Variants in GBE1 observed in about 807,000 individuals in gnomAD.
GBE1 encodes 1,4-alpha-glucan-branching enzyme.
In GBE1, 70 loss-of-function variants were observed where a neutral mutation model predicts 88.8. The ratio of observed to expected loss-of-function variants is 0.79; its 90% CI spans 0.65 to 0.96. GBE1 has a LOEUF of 0.96. GBE1 is among the 40% of genes least tolerant of loss of function. The probability of loss-of-function intolerance (pLI) is 0.00; values close to 1 mark genes in which losing one functional copy is unlikely to be tolerated. For synonymous variants in GBE1, 284 were observed against 300.1 expected (o/e 0.95, Z 0.56); for missense variants, 872 against 871.0 (o/e 1.00, Z -0.01).
rs747483974 is a variant in GBE1 at position 81,591,169 on chromosome 3, GA to G, written c.1109-6del. 8.8e-6 allele frequency: 14 copies of G among 1,588,240 alleles called. No homozygotes were observed. Among genetic ancestry groups the G allele is most frequent in the Admixed American group, 3.5e-5 (2 of 56,738 alleles). On this transcript the variant is annotated splice_region_variant and splice_polypyrimidine_tract_variant and intron_variant, in intron 8 of 15. Coordinates refer to ENST00000429644, the MANE Select transcript of GBE1 (RefSeq NM_000158.4). ...AATCACCTGAGAAACCTTGACCTTAGAAAAAGAAAATCAATACGGATATATT... is the reference window on the plus strand; with the variant it reads ...AATCACCTGAGAAACCTTGACCTTAGAAAAGAAAATCAATACGGATATATT...
At chr3:81,558,421 A>G (rs1469682825) in intron 12 of GBE1, among the ~76,000 whole-genome samples, 1 of 152,042 alleles carries the variant, frequency 6.6e-6, no homozygotes, top group African/African-American at 2.4e-5. Context: ...CTATCTATCT[A>G]TCTCATCAAG....
intron 1 of GBE1, among the ~76,000 whole-genome samples, chr3:81,720,225 A>T (rs1706003130): frequency 6.6e-6 from 1 of 152,000 alleles, no homozygotes; most frequent in African/African-American, 2.4e-5. Flanking sequence ...TATTGGCAAG[A>T]TCTCTTTTAA....
intron 1 of GBE1, among the ~76,000 whole-genome samples, chr3:81,734,213 AT>A (rs1260604506): frequency 1.3e-5 from 2 of 152,166 alleles, no homozygotes; most frequent in Admixed American, 6.6e-5. Context: ...AATACACTAA[AT>A]TTCCTAAATG....
intron 1 of GBE1, among the ~76,000 whole-genome samples, chr3:81,759,982 C>T (rs1382511186): frequency 2.6e-5 from 4 of 152,148 alleles, no homozygotes; most frequent in Non-Finnish European, 2.9e-5. Flanking sequence ...AATCTAACCA[C>T]TACCTTTAAT....
intron 1 of GBE1, among the ~76,000 whole-genome samples, chr3:81,714,980 A>G (rs914320684): frequency 6.6e-6 from 1 of 152,218 alleles, no homozygotes; most frequent in Admixed American, 6.6e-5. Context: ...TCCCACAGGT[A>G]CCATCTCCAA....
At chr3:81,536,525 T>C (rs1210610387) in intron 13 of GBE1, among the ~76,000 whole-genome samples, 1 of 152,012 alleles carries the variant, frequency 6.6e-6, no homozygotes, top group Non-Finnish European at 1.5e-5. Flanking sequence ...GAAATTTACA[T>C]GTTGTCAAAG....
intron 14 of GBE1, among the ~76,000 whole-genome samples, chr3:81,513,547 G>T (rs561528023): frequency 9.2e-4 from 139 of 150,918 alleles, no homozygotes; most frequent in African/African-American, 3.2e-3. Context: ...TGTAATAAAG[G>T]TGTTTATTGT....
rs139767354 is a variant in GBE1 at position 81,676,521 on chromosome 3, T to G, written c.314-5568A>C. The stretch of plus-strand genomic sequence containing the variant: ...CACTCGGCAATTAATATGTACTAAT[T>G]ACTCTTTTAAAATAAAAATATAATG... On this transcript the variant is annotated intron_variant, in intron 2 of 15. Coordinates refer to ENST00000429644, the MANE Select transcript of GBE1 (RefSeq NM_000158.4). Among the ~76,000 whole-genome samples, 28 of 152,202 alleles carry G rather than the reference T, an allele frequency of 1.8e-4. No individual in the cohort carries two copies. The East Asian group carries it at 3.5e-3, about 19-fold the overall frequency.
Position 81,750,602 on chromosome 3 carries a change from T to TATATATATATAC in GBE1, c.143+10772_143+10773insGTATATATATAT, listed in dbSNP as rs1559708627. Among the ~76,000 whole-genome samples the TATATATATATAC allele has an allele frequency of 1.4e-3, 40 of 28,980 alleles. 2 individuals carry two copies. The highest frequency in any genetic ancestry group is 1.3e-3 in the South Asian group (2 of 1,532). 19.0% of individuals were successfully genotyped at this position (28,980 alleles called of 152,430 possible). A position where few individuals can be genotyped will look rare whatever the true frequency, so the allele number is the denominator to read the frequency against. On this transcript the variant is annotated intron_variant, in intron 1 of 15. Coordinates refer to ENST00000429644, the MANE Select transcript of GBE1 (RefSeq NM_000158.4). Reference sequence around the variant, plus strand: ...GTATATATATACGTATATATATATGTGTATATATATATATGTATATATATA... The same window carrying TATATATATATAC: ...GTATATATATACGTATATATATATGTATATATATATACGTATATATATATATGTATATATATA...
chr3:81,655,822 ATG>A (rs530026806), intron 3 of GBE1, among the ~76,000 whole-genome samples: 25 of 152,164 alleles, frequency 1.6e-4, no homozygotes, highest in Non-Finnish European at 3.5e-4. Context: ...GCCCAGCCAA[ATG>A]TGTGTTTTTA....
At chr3:81,511,517 G>A (rs1702725290) in intron 14 of GBE1, among the ~76,000 whole-genome samples, 1 of 151,816 alleles carries the variant, frequency 6.6e-6, no homozygotes, top group Non-Finnish European at 1.5e-5. Flanking sequence ...TAGAAAATGG[G>A]CAAAAGACAT....
intron 1 of GBE1, among the ~76,000 whole-genome samples, chr3:81,753,317 C>T (rs183748537): frequency 6.6e-5 from 10 of 152,226 alleles, no homozygotes; most frequent in African/African-American, 2.4e-4. Context: ...AACTGATGAG[C>T]TCATATTGCC....
chr3:81,718,809 T>C (rs1705978785), intron 1 of GBE1, among the ~76,000 whole-genome samples: 1 of 152,016 alleles, frequency 6.6e-6, no homozygotes, highest in Non-Finnish European at 1.5e-5. Flanking sequence ...GCTAATTTTG[T>C]ATTTTTGTAG....
rs1703868825 is a variant in GBE1 at position 81,590,928 on chromosome 3, T to C, written c.1236+109A>G. 7 of 932,762 alleles carry C rather than the reference T, an allele frequency of 7.5e-6. No individual in the cohort carries two copies. The South Asian group carries it at 1.8e-4, about 23-fold the overall frequency. 57.8% of individuals were successfully genotyped at this position (932,762 alleles called of 1,614,324 possible). ...GCTGCACTATACTCAGGGTAGAATT[T>C]CATTTACGCAATTATTGACAACATG... On this transcript the variant is annotated intron_variant, in intron 9 of 15. Coordinates refer to ENST00000429644, the MANE Select transcript of GBE1 (RefSeq NM_000158.4).
At chr3:81,511,540 C>G (rs1223038778) in intron 14 of GBE1, among the ~76,000 whole-genome samples, 1 of 151,894 alleles carries the variant, frequency 6.6e-6, no homozygotes, top group Non-Finnish European at 1.5e-5. Flanking sequence ...CCAGACACTT[C>G]TTACAAGAAG....
At chr3:81,619,130 T>C (rs1704289744) in intron 7 of GBE1, among the ~76,000 whole-genome samples, 1 of 152,120 alleles carries the variant, frequency 6.6e-6, no homozygotes, top group South Asian at 2.1e-4. Context: ...TATTGATATA[T>C]TTAGCATTTG....
chr3:81,599,345 T>C (rs1276234102), intron 7 of GBE1, among the ~76,000 whole-genome samples: 1 of 151,914 alleles, frequency 6.6e-6, no homozygotes, highest in Non-Finnish European at 1.5e-5. Flanking sequence ...TGTGTAGGAA[T>C]TGACAGTGGA....
At chr3:81,644,022 T>C (rs1704729426) in intron 6 of GBE1, among the ~76,000 whole-genome samples, 1 of 152,154 alleles carries the variant, frequency 6.6e-6, no homozygotes. Flanking sequence ...TCATTGAACA[T>C]GTTCAATAAT....
chr3:81,590,687 A>C (rs1419271850), intron 9 of GBE1, among the ~76,000 whole-genome samples: 2 of 152,112 alleles, frequency 1.3e-5, no homozygotes, highest in Non-Finnish European at 2.9e-5. Flanking sequence ...CAAAAAAGAA[A>C]AAAATAATAA....
Sources: gnomAD v4.1 joint callset for allele counts (sites outside exome capture counted in the v4.1 genomes callset) on GRCh38, gnomAD v4.1.1 for gene constraint, MANE v1.5 for transcripts, NCBI Gene and HGNC (gene_info 2026-07-23, HGNC 2026-07-21) for gene names.